Variants in CPED1 observed in about 807,000 individuals in gnomAD.
CPED1 encodes cadherin like and PC-esterase domain containing 1, also known as cadherin-like and PC-esterase domain-containing protein 1.
Under a neutral mutation model 128.2 loss-of-function variants are expected in CPED1, and 114 were observed. The ratio of observed to expected loss-of-function variants is 0.89; its 90% CI spans 0.76 to 1.04. The LOEUF (loss-of-function observed/expected upper bound fraction) is 1.04, where lower values mean the gene tolerates loss of function less well. Ranked by LOEUF, CPED1 falls within the 50% of genes least tolerant of loss-of-function variation. The probability of loss-of-function intolerance (pLI) is 0.00; values close to 1 mark genes in which losing one functional copy is unlikely to be tolerated. For missense variants in CPED1, 1,211 were observed against 1,207.1 expected (o/e 1.00, Z -0.05); for synonymous variants, 462 against 426.7 (o/e 1.08, Z -1.02).
At chr7:121,201,271 A>G (rs928070063) in intron 16 of CPED1, among the ~76,000 whole-genome samples, 1 of 152,080 alleles carries the variant, frequency 6.6e-6, no homozygotes, top group African/African-American at 2.4e-5. Context: ...CGCTCCACCA[A>G]AAATACAAAA....
At position 120,989,625 on chromosome 7, in the gene CPED1, G is replaced by A. The variant is rs777151635; in HGVS notation, c.4G>A (p.Val2Ile). Residue 2 changes from valine (V) to isoleucine (I), a missense_variant, in exon 2 of 23, where the codon GTC becomes ATC. Physicochemically the swap from Val to Ile is conservative, Grantham distance 29. Coordinates refer to ENST00000310396, the MANE Select transcript of CPED1 (RefSeq NM_024913.5). MVCRPVFPCRRR... is the reference protein window; with the variant it reads MICRPVFPCRRR... ...GCCAAGTGAAGCTGAACTGGTCATG[G>A]TCTGTCGCCCAGTGTTCCCTTGTCG... is the stretch of plus-strand genomic sequence containing the variant. 8.0e-5 allele frequency: 129 copies of A among 1,613,818 alleles called. 1 individual carries two copies. In the Middle Eastern group the frequency reaches 5.9e-3, roughly 74 times the overall value.
At chr7:121,186,448 A>C (rs1797004960) in intron 16 of CPED1, among the ~76,000 whole-genome samples, 1 of 152,114 alleles carries the variant, frequency 6.6e-6, no homozygotes, top group African/African-American at 2.4e-5. Context: ...TGCATCTATG[A>C]AAAAGCTGTC....
rs1160203035 is a variant in CPED1, at chr7:121,199,673, CAAAAAA to C, written c.2056-37019_2056-37014del. 3.5e-3 allele frequency among the ~76,000 whole-genome samples: 305 copies of C among 86,922 alleles called. 2 individuals are homozygous for C. Among genetic ancestry groups the C allele is most frequent in the African/African-American group, 0.011 (237 of 21,648 alleles). The allele number at this position is 86,922 out of a possible 152,430, so 57.0% of individuals were successfully genotyped here. On this transcript the variant is annotated intron_variant, in intron 16 of 22. Coordinates refer to ENST00000310396, the MANE Select transcript of CPED1 (RefSeq NM_024913.5). ...GCCTGGCAACAGAGTGAGACTCCAT[CAAAAAA>C]AAAAAAAAAAAAAAAAAAAAAGAAA...
chr7:121,189,798 A>ATATATATATATATATATATG (rs869279165), intron 16 of CPED1, among the ~76,000 whole-genome samples: 1 of 50,460 alleles, frequency 2.0e-5, no homozygotes, highest in Non-Finnish European at 4.0e-5. Flanking sequence ...ATATATATAT[A>ATATATATATATATATATATG]AAATTTGTAT....
intron 9 of CPED1, among the ~76,000 whole-genome samples, chr7:121,126,221 G>A (rs761866836): frequency 1.1e-4 from 16 of 151,744 alleles, no homozygotes; most frequent in South Asian, 2.1e-4. Flanking sequence ...ATTATCTGGC[G>A]TATTCACATG....
At chr7:121,117,950 C>T (rs1298804005) in intron 7 of CPED1, among the ~76,000 whole-genome samples, 1 of 150,186 alleles carries the variant, frequency 6.7e-6, no homozygotes, top group African/African-American at 2.4e-5. Flanking sequence ...GAAAATTTAA[C>T]TATGTTGTTC....
rs1562986461 is a variant in CPED1 at position 120,997,934 on chromosome 7, AAATAAAATAAAATAAAAT to A, written c.249+8067_249+8084del. Among the ~76,000 whole-genome samples the A allele has an allele frequency of 1.1e-3, 138 of 128,512 alleles. 1 individual carries two copies. Among genetic ancestry groups the A allele is most frequent in the African/African-American group, 4.2e-3 (131 of 31,352 alleles). 84.3% of individuals were successfully genotyped at this position (128,512 alleles called of 152,430 possible). A position where few individuals can be genotyped will look rare whatever the true frequency, so the allele number is the denominator to read the frequency against. The stretch of plus-strand genomic sequence containing the variant: ...CAAAACTCGGTCTCGAAAAAAAATA[AAATAAAATAAAATAAAAT>A]AAAATAAAATAAAATAAAATAAAAT... On this transcript the variant is annotated intron_variant, in intron 2 of 22. Transcript: ENST00000310396.
At chr7:121,099,611 C>T (rs557612701) in intron 6 of CPED1, among the ~76,000 whole-genome samples, 1 of 152,296 alleles carries the variant, frequency 6.6e-6, no homozygotes, top group African/African-American at 2.4e-5. Context: ...CATGATCCGC[C>T]TGTCTCGGCC....
At position 121,244,322 on chromosome 7, in the gene CPED1, G is replaced by A; in HGVS notation, c.2294G>A (p.Cys765Tyr). ...CTAACTAAGCCTCAACTCCAGCAGT[G>A]CCTGGGAGGAAGGAAGGTAGGTTCT... ...GVLTKPQLQQ[C>Y]LGGRKILFIG... The change falls in exon 18 of 23, where the codon TGC becomes TAC. Residue 765 changes from cysteine to tyrosine, a missense_variant. By Grantham distance (194) the Cys-to-Tyr change is radical. Transcript: ENST00000310396. 1.2e-6 allele frequency: 2 copies of A among 1,614,118 alleles called. No homozygotes were observed. The highest frequency in any genetic ancestry group is 1.7e-6 in the Non-Finnish European group (2 of 1,179,992).
At chr7:121,133,487 G>C (rs2116342677) in intron 12 of CPED1, among the ~76,000 whole-genome samples, 1 of 152,194 alleles carries the variant, frequency 6.6e-6, no homozygotes, top group South Asian at 2.1e-4. Context: ...CTCCAAAACA[G>C]TGTAACTATA....
intron 22 of CPED1, among the ~76,000 whole-genome samples, chr7:121,281,549 C>T (rs1488338909): frequency 6.6e-6 from 1 of 152,040 alleles, no homozygotes; most frequent in Admixed American, 6.6e-5. Context: ...AGATCCCTTA[C>T]CATATAAGGA....
intron 7 of CPED1, among the ~76,000 whole-genome samples, chr7:121,109,197 C>A (rs530645231): frequency 6.6e-6 from 1 of 152,198 alleles, no homozygotes; most frequent in South Asian, 2.1e-4. Context: ...GATTCTCTCC[C>A]AGGACTCTTC....
At chr7:121,099,373 A>T (rs113785369) in intron 6 of CPED1, among the ~76,000 whole-genome samples, 1 of 151,896 alleles carries the variant, frequency 6.6e-6, no homozygotes, top group Admixed American at 6.6e-5. Flanking sequence ...TAAATTAATT[A>T]ATTTATTTAT....
At chr7:121,269,894 T>C (rs1792200498) in intron 21 of CPED1, among the ~76,000 whole-genome samples, 1 of 152,034 alleles carries the variant, frequency 6.6e-6, no homozygotes, top group South Asian at 2.1e-4. Flanking sequence ...ACAAGAAGCA[T>C]GGTACCAGCA....
At chr7:121,227,535 G>A (rs1338295628) in intron 16 of CPED1, among the ~76,000 whole-genome samples, 1 of 152,098 alleles carries the variant, frequency 6.6e-6, no homozygotes, top group Non-Finnish European at 1.5e-5. Flanking sequence ...GAAAGAGAAA[G>A]TATTGATTAA....
At chr7:121,050,713 C>T in intron 4 of CPED1, 1 of 427,374 alleles carries the variant, frequency 2.3e-6, no homozygotes, top group South Asian at 1.6e-5. Context: ...GATCCACCGC[C>T]TCGGCCTCCC....
intron 22 of CPED1, among the ~76,000 whole-genome samples, chr7:121,288,033 A>C (rs1379663621): frequency 6.6e-6 from 1 of 152,112 alleles, no homozygotes; most frequent in Non-Finnish European, 1.5e-5. Context: ...GTTACATATA[A>C]TTGTTTGGTA....
intron 16 of CPED1, among the ~76,000 whole-genome samples, chr7:121,163,183 C>A (rs1796449326): frequency 6.6e-6 from 1 of 152,276 alleles, no homozygotes; most frequent in South Asian, 2.1e-4. Flanking sequence ...TTTGAACCAC[C>A]TTTTACTTAG....
rs181523318 is a variant in CPED1 at position 121,154,735 on chromosome 7, G to A, written c.2055+12594G>A. On this transcript the variant is annotated intron_variant, in intron 16 of 22. Coordinates refer to ENST00000310396, the MANE Select transcript of CPED1 (RefSeq NM_024913.5). ...TAATTTTTGTATTTTTAGTAGAGAC[G>A]GGGTTTCACCATGTTGGCCAGGATG... 3.9e-4 allele frequency among the ~76,000 whole-genome samples: 60 copies of A among 151,990 alleles called. 1 individual carries two copies. Among genetic ancestry groups the A allele is most frequent in the African/African-American group, 1.3e-3 (53 of 41,486 alleles).
Sources: allele counts gnomAD v4.1 joint callset (sites outside exome capture counted in the v4.1 genomes callset), GRCh38; gene constraint gnomAD v4.1.1; transcripts MANE v1.5; gene names NCBI Gene and HGNC (gene_info 2026-07-23, HGNC 2026-07-21).